SNX19: variants seen among roughly 807,000 people sequenced by gnomAD.
SNX19 encodes the protein sorting nexin-19.
In SNX19, 60 loss-of-function variants were observed where a neutral mutation model predicts 85.2. That is an observed-to-expected ratio of 0.70 (90% CI 0.57 to 0.87). The LOEUF (loss-of-function observed/expected upper bound fraction) is 0.87, where lower values mean the gene tolerates loss of function less well. SNX19 is among the 40% of genes least tolerant of loss of function. The pLI is 0.00. For missense variants in SNX19, 1,201 were observed against 1,217.8 expected, an observed-to-expected ratio of 0.99 and a Z score of 0.21; for synonymous variants, 520 against 470.0, an observed-to-expected ratio of 1.11 and a Z score of -1.38.
Position 130,915,274 on chromosome 11 carries a change from C to A in SNX19, c.666G>T (p.Gly222=), listed in dbSNP as rs1380164155. The A allele has an allele frequency of 2.5e-6, 4 of 1,614,098 alleles. No homozygotes were observed. In the Admixed American group the frequency reaches 5.0e-5, roughly 20 times the overall value. The change falls in exon 1 of 11, where the codon GGG becomes GGT. Residue 222 remains glycine, a synonymous_variant. Coordinates refer to ENST00000265909, the MANE Select transcript of SNX19 (RefSeq NM_014758.3). ...TCTCCAAGTGGGGCTTGGGCACCAGCCCTTGAAGCAACAAATTCACAACGC... is the reference window on the plus strand; with the variant it reads ...TCTCCAAGTGGGGCTTGGGCACCAGACCTTGAAGCAACAAATTCACAACGC... ...TRGVVNLLLQ[G]LVPKPHLETR... is the part of the protein sequence containing the mutation.
chr11:130,868,455 T>C lies in SNX19; in HGVS notation c.*9967A>G, dbSNP rs1304477404. On this transcript the variant is annotated 3_prime_UTR_variant, in exon 11 of 11. Transcript: ENST00000265909. ...GCAACCAAGAGGCTACAGCTGGATA[T>C]GTGCTTATGAGATGGGTCATAGTTA... The C allele has an allele frequency of 2.0e-5, 3 of 152,114 alleles. No homozygotes were observed. Among genetic ancestry groups the C allele is most frequent in the African/African-American group, 4.8e-5 (2 of 41,428 alleles). 9.4% of individuals were successfully genotyped at this position (152,114 alleles called of 1,614,324 possible). A position where few individuals can be genotyped will look rare whatever the true frequency, so the allele number is the denominator to read the frequency against.
chr11:130,884,969 A>G (rs1401202550), intron 8 of SNX19, among the ~76,000 whole-genome samples: 1 of 152,196 alleles, frequency 6.6e-6, no homozygotes, highest in Non-Finnish European at 1.5e-5. Flanking sequence ...TAAATATGCT[A>G]AAATAAATAT....
rs1432859906 is a variant in SNX19 at position 130,872,424 on chromosome 11, C to T, written c.*5998G>A. 2.0e-5 allele frequency among the ~76,000 whole-genome samples: 3 copies of T among 152,064 alleles called. No homozygotes were observed. The highest frequency in any genetic ancestry group is 2.9e-5 in the Non-Finnish European group (2 of 68,004). On this transcript the variant is annotated 3_prime_UTR_variant, in exon 11 of 11. Coordinates refer to ENST00000265909, the MANE Select transcript of SNX19 (RefSeq NM_014758.3). The stretch of plus-strand genomic sequence containing the variant: ...ATTCTGATGATTTTCACTTGTTTCA[C>T]GCTTGACAATTAAAACATTCTTCTG...
intron 8 of SNX19, among the ~76,000 whole-genome samples, chr11:130,898,233 C>T (rs905200085): frequency 1.3e-5 from 2 of 151,614 alleles, no homozygotes; most frequent in Non-Finnish European, 2.9e-5. Flanking sequence ...GTAATGTACA[C>T]AGGTCTTTTA....
In SNX19 at chr11:130,877,829, A is replaced by G. The variant is rs1943353142; in HGVS notation, c.*593T>C. ...TCTTCCATAAGGCTGATGTGTTGGG[A>G]AACAGCAACACATGAGCAAGAAGTT... On this transcript the variant is annotated 3_prime_UTR_variant, in exon 11 of 11. Transcript: ENST00000265909. The G allele has an allele frequency of 6.6e-6, 1 of 152,604 alleles. No homozygotes were observed. The highest frequency in any genetic ancestry group is 6.5e-5 in the Admixed American group (1 of 15,288). The allele number at this position is 152,604 out of a possible 1,614,324, so 9.5% of individuals were successfully genotyped here.
At chr11:130,911,246 CA>C (rs1946101752) in intron 2 of SNX19, among the ~76,000 whole-genome samples, 1 of 146,876 alleles carries the variant, frequency 6.8e-6, no homozygotes, top group Non-Finnish European at 1.5e-5. Flanking sequence ...TAACAGCACA[CA>C]AAAGATCTGG....
intron 8 of SNX19, among the ~76,000 whole-genome samples, chr11:130,887,968 T>A (rs1444702170): frequency 1.3e-5 from 2 of 152,146 alleles, no homozygotes; most frequent in African/African-American, 2.4e-5. Context: ...GATTGAGCCT[T>A]CCTTTAGATT....
intron 8 of SNX19, chr11:130,893,687 A>G (rs1343569462): frequency 1.5e-6 from 1 of 657,268 alleles, no homozygotes; most frequent in Non-Finnish European, 2.7e-6. Flanking sequence ...GAAAACACAG[A>G]GGAGTAATAA....
chr11:130,902,946 G>A (rs1291772994), intron 8 of SNX19: 1 of 259,140 alleles, frequency 3.9e-6, no homozygotes, highest in Non-Finnish European at 7.5e-6. Flanking sequence ...GAGGTGCAGG[G>A]CTGGAGGATA....
chr11:130,883,333 G>A (rs552637316), intron 8 of SNX19, among the ~76,000 whole-genome samples: 101 of 152,280 alleles, frequency 6.6e-4, no homozygotes, highest in African/African-American at 2.1e-3. Flanking sequence ...TGCCATCTCT[G>A]AGTAAGTATC....
intron 7 of SNX19, among the ~76,000 whole-genome samples, chr11:130,903,672 AAT>A (rs887741406): frequency 1.2e-4 from 18 of 148,418 alleles, no homozygotes; most frequent in Non-Finnish European, 2.1e-4. Flanking sequence ...ATATCTGCTA[AAT>A]ATATATATGT....
At chr11:130,902,193 G>C (rs932238036) in intron 8 of SNX19, among the ~76,000 whole-genome samples, 1 of 152,160 alleles carries the variant, frequency 6.6e-6, no homozygotes, top group Non-Finnish European at 1.5e-5. Context: ...TGTAAAATGG[G>C]GCTACCTACC....
At position 130,909,956 on chromosome 11, in the gene SNX19, C is replaced by A. The variant is rs1033041218; in HGVS notation, c.2034+62G>T. 75 of 1,602,582 alleles carry A rather than the reference C, an allele frequency of 4.7e-5. No homozygotes were observed. The East Asian group carries it at 1.6e-3, about 34-fold the overall frequency. ...TTATTTTTCAAGGACTGCCTCCATT[C>A]TGATGAATCCTCCCCATTTATAGAT... is the stretch of plus-strand genomic sequence containing the variant. On this transcript the variant is annotated intron_variant, in intron 4 of 10. Coordinates refer to ENST00000265909, the MANE Select transcript of SNX19 (RefSeq NM_014758.3).
chr11:130,894,706 G>A, intron 8 of SNX19: 1 of 985,416 alleles, frequency 1.0e-6, no homozygotes, highest in Non-Finnish European at 1.2e-6. Context: ...CATTCAGAAA[G>A]AAGCTGGCTA....
intron 8 of SNX19, among the ~76,000 whole-genome samples, chr11:130,884,871 CA>C (rs34426333): frequency 0.091 from 5,943 of 64,972 alleles, 143 homozygotes; most frequent in African/African-American, 0.19. Context: ...GACTCCATCT[CA>C]AAAAAAAAAA....
Position 130,912,185 on chromosome 11 carries a change from GGAA to G in SNX19, c.1675-417_1675-415del, listed in dbSNP as rs375935188. 5.2e-4 allele frequency among the ~76,000 whole-genome samples: 79 copies of G among 152,228 alleles called. No homozygotes were observed. In the East Asian group the frequency reaches 0.013, roughly 25 times the overall value. On this transcript the variant is annotated intron_variant, in intron 1 of 10. Coordinates refer to ENST00000265909, the MANE Select transcript of SNX19 (RefSeq NM_014758.3). ...CCCGTGATTATTTATATTAGTTAAG[GGAA>G]GAAGAAGTAATCCAAACAGCAGATA...
chr11:130,900,420 C>T (rs546276342), intron 8 of SNX19, among the ~76,000 whole-genome samples: 2 of 152,258 alleles, frequency 1.3e-5, no homozygotes, highest in East Asian at 3.9e-4. Context: ...CCATGTCTGC[C>T]ACGCAGCTGG....
At chr11:130,913,066 A>G (rs1278834393) in intron 1 of SNX19, among the ~76,000 whole-genome samples, 1 of 152,218 alleles carries the variant, frequency 6.6e-6, no homozygotes, top group Non-Finnish European at 1.5e-5. Flanking sequence ...TCTAGCCAAC[A>G]ACAAAAAAGA....
intron 8 of SNX19, chr11:130,901,695 G>C (rs572080028): frequency 6.6e-6 from 1 of 152,270 alleles, no homozygotes; most frequent in East Asian, 1.9e-4. Context: ...ATTTTAAACA[G>C]AGTGGAGCCC....
Sources: allele counts gnomAD v4.1 joint callset (sites outside exome capture counted in the v4.1 genomes callset), GRCh38; gene constraint gnomAD v4.1.1; transcripts MANE v1.5; gene names NCBI Gene and HGNC (gene_info 2026-07-23, HGNC 2026-07-21).